C3orf70: variants seen among roughly 807,000 people sequenced by gnomAD.
C3orf70 encodes UPF0524 protein C3orf70.
A neutral mutation model predicts 20.7 loss-of-function variants in C3orf70; 15 were observed. The observed-to-expected ratio is 0.72, with a 90% CI of 0.48 to 1.11. The LOEUF (loss-of-function observed/expected upper bound fraction) is 1.11. C3orf70 is among the 50% of genes most tolerant of loss of function. C3orf70 has a pLI of 0.00. For missense variants in C3orf70, 332 were observed against 317.6 expected, an observed-to-expected ratio of 1.05 and a Z score of -0.34; for synonymous variants, 161 against 125.7, an observed-to-expected ratio of 1.28 and a Z score of -1.88.
At chr3:185,098,473 G>C (rs1460495966) in intron 1 of C3orf70, among the ~76,000 whole-genome samples, 1 of 152,148 alleles carries the variant, frequency 6.6e-6, no homozygotes, top group Non-Finnish European at 1.5e-5. Flanking sequence ...TACAAGCAGG[G>C]CACATTTCAA....
At chr3:185,118,953 AATG>A (rs1167188253) in intron 1 of C3orf70, among the ~76,000 whole-genome samples, 1 of 152,222 alleles carries the variant, frequency 6.6e-6, no homozygotes, top group Non-Finnish European at 1.5e-5. Context: ...AGACGATGGT[AATG>A]ATGTCTGTAA....
intron 1 of C3orf70, among the ~76,000 whole-genome samples, chr3:185,152,312 C>G (rs889292884): frequency 6.6e-6 from 1 of 151,748 alleles, no homozygotes; most frequent in African/African-American, 2.4e-5. Flanking sequence ...ACGCCTTGGT[C>G]AAAAAAAGAA....
At chr3:185,093,234 T>A (rs1194886128) in intron 1 of C3orf70, among the ~76,000 whole-genome samples, 2 of 152,108 alleles carry the variant, frequency 1.3e-5, no homozygotes, top group African/African-American at 2.4e-5. Flanking sequence ...TACCAACAGA[T>A]GTCTACAAGC....
intron 1 of C3orf70, among the ~76,000 whole-genome samples, chr3:185,093,403 T>C (rs909407886): frequency 2.0e-5 from 3 of 152,186 alleles, no homozygotes; most frequent in Non-Finnish European, 4.4e-5. Flanking sequence ...AAATTAGAGA[T>C]AATGAAGGCT....
At chr3:185,130,221 C>A (rs553274623) in intron 1 of C3orf70, among the ~76,000 whole-genome samples, 2 of 152,078 alleles carry the variant, frequency 1.3e-5, no homozygotes, top group Non-Finnish European at 2.9e-5. Context: ...GAGGCCGAGG[C>A]GGGCGGATCA....
intron 1 of C3orf70, among the ~76,000 whole-genome samples, chr3:185,127,633 T>G (rs137880817): frequency 0.011 from 1,717 of 152,054 alleles, 6 homozygotes; most frequent in Middle Eastern, 0.027. Flanking sequence ...AGAGATGAGG[T>G]TTCCCCATGT....
At position 185,105,337 on chromosome 3, in the gene C3orf70, G is replaced by T. The variant is rs138052967; in HGVS notation, c.197-21774C>A. ...TGGAAGGTTGTGGGTTCACGGGAAT[G>T]AGGGCAAGGAACACCTGGCCCACTC... is the stretch of plus-strand genomic sequence containing the variant. On this transcript the variant is annotated intron_variant, in intron 1 of 1. Transcript: ENST00000335012. Among the ~76,000 whole-genome samples the T allele has an allele frequency of 7.2e-3, 1,100 of 152,330 alleles. 20 individuals carry two copies. The highest frequency in any genetic ancestry group is 0.025 in the African/African-American group (1,048 of 41,572).
intron 1 of C3orf70, among the ~76,000 whole-genome samples, chr3:185,092,945 C>T (rs1181530864): frequency 1.3e-5 from 2 of 148,378 alleles, no homozygotes. Flanking sequence ...GAGCCAAGAT[C>T]GTGCTACTGC....
intron 1 of C3orf70, among the ~76,000 whole-genome samples, chr3:185,096,895 G>A (rs1577320823): frequency 6.6e-6 from 1 of 152,300 alleles, no homozygotes; most frequent in African/African-American, 2.4e-5. Flanking sequence ...CCAAGCAACT[G>A]CAGACCAGTA....
intron 1 of C3orf70, among the ~76,000 whole-genome samples, chr3:185,117,450 C>A (rs2063298): frequency 0.017 from 1,171 of 67,276 alleles, 1 homozygote; most frequent in East Asian, 0.058. Flanking sequence ...CACACACACA[C>A]AGAAAGAGAG....
intron 1 of C3orf70, among the ~76,000 whole-genome samples, chr3:185,150,030 A>AG (rs1716956880): frequency 1.3e-5 from 2 of 152,180 alleles, no homozygotes; most frequent in Non-Finnish European, 2.9e-5. Flanking sequence ...TTTTAAAAAA[A>AG]GAGTGTATGT....
At chr3:185,151,035 T>G (rs1250854786) in intron 1 of C3orf70, among the ~76,000 whole-genome samples, 1 of 152,210 alleles carries the variant, frequency 6.6e-6, no homozygotes, top group Non-Finnish European at 1.5e-5. Context: ...CAGCAATGTA[T>G]ATATGAAGAG....
intron 1 of C3orf70, among the ~76,000 whole-genome samples, chr3:185,092,023 T>C (rs1715602284): frequency 7.1e-6 from 1 of 141,832 alleles, no homozygotes; most frequent in African/African-American, 2.6e-5. Flanking sequence ...GGTCTTGAAC[T>C]CCTGACCTCA....
intron 1 of C3orf70, among the ~76,000 whole-genome samples, chr3:185,104,642 GC>G (rs565699925): frequency 6.1e-4 from 93 of 151,928 alleles, no homozygotes; most frequent in African/African-American, 2.2e-3. Context: ...AAACTATGCA[GC>G]CATAAAAAAG....
chr3:185,088,480 G>C (rs1413890828), intron 1 of C3orf70, among the ~76,000 whole-genome samples: 1 of 152,140 alleles, frequency 6.6e-6, no homozygotes, highest in Non-Finnish European at 1.5e-5. Context: ...ACTAGGCAAA[G>C]GGCACATGAC....
In C3orf70 at chr3:185,082,878, T is replaced by G. The variant is rs1715373731; in HGVS notation, c.*129A>C. On this transcript the variant is annotated 3_prime_UTR_variant, in exon 2 of 2. Transcript: ENST00000335012. ...GAAGCTAATCAGCATACCACTGAAC[T>G]GCTACGGTTGTTGGTTGGAGCGGGG... 2 of 821,382 alleles carry G rather than the reference T, an allele frequency of 2.4e-6. No individual in the cohort carries two copies. Among genetic ancestry groups the G allele is most frequent in the Admixed American group, 4.6e-5 (2 of 43,552 alleles). The allele number at this position is 821,382 out of a possible 1,614,324, so 50.9% of individuals were successfully genotyped here.
intron 1 of C3orf70, among the ~76,000 whole-genome samples, chr3:185,112,381 C>T (rs1577325929): frequency 6.6e-6 from 1 of 152,198 alleles, no homozygotes; most frequent in East Asian, 1.9e-4. Flanking sequence ...CATTTGCCAC[C>T]TGGTTCTCAT....
chr3:185,086,324 T>C (rs954748363), intron 1 of C3orf70, among the ~76,000 whole-genome samples: 31 of 152,222 alleles, frequency 2.0e-4, no homozygotes, highest in Non-Finnish European at 3.5e-4. Context: ...TGCTGTGGAC[T>C]GAATGTTTGT....
chr3:185,147,012 T>C (rs1283999315), intron 1 of C3orf70, among the ~76,000 whole-genome samples: 1 of 152,240 alleles, frequency 6.6e-6, no homozygotes, highest in Non-Finnish European at 1.5e-5. Context: ...TTAAACTCTC[T>C]AGACAGCATA....
Sources: allele counts gnomAD v4.1 joint callset (sites outside exome capture counted in the v4.1 genomes callset), GRCh38; gene constraint gnomAD v4.1.1; transcripts MANE v1.5; gene names NCBI Gene and HGNC (gene_info 2026-07-23, HGNC 2026-07-21).